The following PACSIN2 variants were observed in gnomAD, a reference collection of about 807,000 sequenced individuals.
PACSIN2 encodes protein kinase C and casein kinase substrate in neurons protein 2.
PACSIN2 carries 25 observed loss-of-function variants against 63.8 expected under a neutral mutation model. The observed-to-expected ratio is 0.39, with a 90% CI of 0.29 to 0.55. The LOEUF (loss-of-function observed/expected upper bound fraction) is 0.55, where lower values mean the gene tolerates loss of function less well. Among genes scored for constraint, PACSIN2 ranks in the 20% least tolerant of loss-of-function variants. The pLI, the probability that PACSIN2 is intolerant of heterozygous loss-of-function variation, is 0.62. For synonymous variants in PACSIN2, 255 were observed against 256.2 expected (o/e 1.00, Z 0.05); for missense variants, 518 against 646.9 (o/e 0.80, Z 2.16).
chr22:42,918,859 T>G (rs1271495450), intron 1 of PACSIN2, among the ~76,000 whole-genome samples: 1 of 152,208 alleles, frequency 6.6e-6, no homozygotes, highest in African/African-American at 2.4e-5. Context: ...CACATGTCCT[T>G]AACCATAAAA....
intron 1 of PACSIN2, among the ~76,000 whole-genome samples, chr22:42,999,340 T>C (rs776064256): frequency 5.0e-4 from 75 of 151,322 alleles, no homozygotes; most frequent in Non-Finnish European, 8.2e-4. Context: ...AAATGTCTAA[T>C]GTGTGTGTGT....
At chr22:42,947,340 C>T (rs117075846) in intron 1 of PACSIN2, among the ~76,000 whole-genome samples, 49 of 152,218 alleles carry the variant, frequency 3.2e-4, no homozygotes, top group Non-Finnish European at 5.4e-4. Context: ...TCAGAGTGGC[C>T]CCAGGTCAAC....
intron 1 of PACSIN2, among the ~76,000 whole-genome samples, chr22:42,919,512 C>A (rs945580488): frequency 6.6e-6 from 1 of 152,104 alleles, no homozygotes; most frequent in East Asian, 1.9e-4. Flanking sequence ...TGGTGGCTCA[C>A]GCCTGTAATT....
chr22:42,906,581 A>AG (rs1016693792), intron 2 of PACSIN2, among the ~76,000 whole-genome samples: 1 of 151,586 alleles, frequency 6.6e-6, no homozygotes, highest in African/African-American at 2.4e-5. Context: ...GCTCAGGGGG[A>AG]GGGTCACCCA....
intron 2 of PACSIN2, among the ~76,000 whole-genome samples, chr22:42,903,241 A>T (rs928328656): frequency 6.6e-6 from 1 of 152,076 alleles, no homozygotes; most frequent in Non-Finnish European, 1.5e-5. Context: ...ACTACCTCTC[A>T]CCCACCTTCC....
intron 1 of PACSIN2, among the ~76,000 whole-genome samples, chr22:42,982,932 A>G (rs1189552784): frequency 2.7e-5 from 4 of 149,632 alleles, no homozygotes; most frequent in African/African-American, 9.8e-5. Flanking sequence ...CTGTAATCCC[A>G]GCACTTGGGA....
chr22:43,005,990 A>C (rs1303081816), intron 1 of PACSIN2, among the ~76,000 whole-genome samples: 2 of 151,852 alleles, frequency 1.3e-5, no homozygotes, highest in Non-Finnish European at 2.9e-5. Context: ...ATAGGGTCTC[A>C]CTATGTTACC....
intron 1 of PACSIN2, among the ~76,000 whole-genome samples, chr22:42,964,052 C>T (rs1188262622): frequency 6.6e-6 from 1 of 152,166 alleles, no homozygotes; most frequent in Admixed American, 6.5e-5. Context: ...CAAAGAGAAA[C>T]CCTGTACCCT....
chr22:42,914,243 T>A (rs1046133236), intron 1 of PACSIN2, among the ~76,000 whole-genome samples: 1 of 152,212 alleles, frequency 6.6e-6, no homozygotes, highest in African/African-American at 2.4e-5. Context: ...CACAGTAATT[T>A]TTTTTTTTAG....
intron 1 of PACSIN2, among the ~76,000 whole-genome samples, chr22:42,912,452 T>A (rs925674884): frequency 2.6e-5 from 4 of 152,198 alleles, no homozygotes; most frequent in African/African-American, 9.6e-5. Flanking sequence ...CTGGTAGGGC[T>A]AGGACCCGGG....
intron 1 of PACSIN2, among the ~76,000 whole-genome samples, chr22:43,003,477 C>G (rs573095944): frequency 6.6e-6 from 1 of 152,132 alleles, no homozygotes; most frequent in Non-Finnish European, 1.5e-5. Flanking sequence ...GTGGCGGGCA[C>G]CTGTAGTCCC....
intron 1 of PACSIN2, among the ~76,000 whole-genome samples, chr22:42,919,674 G>A (rs1004072687): frequency 1.3e-5 from 2 of 150,536 alleles, no homozygotes; most frequent in African/African-American, 4.9e-5. Flanking sequence ...TCAGGAGGCT[G>A]AGGCAGGAGA....
intron 8 of PACSIN2, among the ~76,000 whole-genome samples, chr22:42,878,224 C>G (rs1389760134): frequency 6.6e-6 from 1 of 152,216 alleles, no homozygotes; most frequent in Non-Finnish European, 1.5e-5. Flanking sequence ...CATACAGGTG[C>G]TGGCCTGATC....
At chr22:42,884,315 T>A in intron 6 of PACSIN2, 71 bp downstream of exon 6, 1 of 1,431,274 alleles carries the variant, frequency 7.0e-7, no homozygotes, top group Non-Finnish European at 9.6e-7. Context: ...GGGAGCAGCA[T>A]CTGAGTTTGC....
At chr22:42,990,977 T>A (rs1410069012) in intron 1 of PACSIN2, among the ~76,000 whole-genome samples, 1 of 152,148 alleles carries the variant, frequency 6.6e-6, no homozygotes, top group East Asian at 1.9e-4. Context: ...AGCAGCCACC[T>A]CACAACGCTG....
At chr22:42,981,419 C>G (rs1221171132) in intron 1 of PACSIN2, among the ~76,000 whole-genome samples, 1 of 120,504 alleles carries the variant, frequency 8.3e-6, no homozygotes, top group African/African-American at 3.4e-5. Context: ...TCTGCCCGGC[C>G]GCCCCTACTG....
At chr22:42,874,409 A>G (rs1214362651) in intron 10 of PACSIN2, among the ~76,000 whole-genome samples, 1 of 152,132 alleles carries the variant, frequency 6.6e-6, no homozygotes, top group African/African-American at 2.4e-5. Context: ...GGCAGAGCAC[A>G]TGTAATCAGG....
At chr22:42,878,505 C>G (rs907756778) in intron 8 of PACSIN2, among the ~76,000 whole-genome samples, 2 of 152,196 alleles carry the variant, frequency 1.3e-5, no homozygotes, top group African/African-American at 2.4e-5. Flanking sequence ...ACAGTGCCAC[C>G]CTTATATCTC....
chr22:42,983,104 G>A (rs1349706418), intron 1 of PACSIN2, among the ~76,000 whole-genome samples: 2 of 151,626 alleles, frequency 1.3e-5, no homozygotes, highest in African/African-American at 2.4e-5. Context: ...ATTACCTGAA[G>A]TCACGAGTTC....
Sources: gnomAD v4.1 joint callset for allele counts (sites outside exome capture counted in the v4.1 genomes callset) on GRCh38, gnomAD v4.1.1 for gene constraint, MANE v1.5 for transcripts, NCBI Gene and HGNC (gene_info 2026-07-23, HGNC 2026-07-21) for gene names.